SYT14: variants seen among roughly 807,000 people sequenced by gnomAD.
SYT14 encodes the protein synaptotagmin-14.
In SYT14, 32 loss-of-function variants were observed where a neutral mutation model predicts 74.2. The observed-to-expected ratio is 0.43, with a 90% confidence interval of 0.33 to 0.58. The LOEUF (loss-of-function observed/expected upper bound fraction) is 0.58, where lower values mean the gene tolerates loss of function less well. Ranked by LOEUF, SYT14 falls within the 20% of genes least tolerant of loss-of-function variation. The pLI is 0.05. For synonymous variants in SYT14, 298 were observed against 337.7 expected (o/e 0.88, Z 1.29); for missense variants, 791 against 981.8 (o/e 0.81, Z 2.60).
chr1:210,101,421 A>G (rs1185870896), intron 7 of SYT14, among the ~76,000 whole-genome samples: 2 of 152,114 alleles, frequency 1.3e-5, no homozygotes, highest in Non-Finnish European at 2.9e-5. Flanking sequence ...GTCTCATCTC[A>G]TTTACATCAG....
At chr1:210,162,819 G>GA in exon 10 of SYT14, 1 of 451,446 alleles carries the variant, frequency 2.2e-6, no homozygotes, top group Admixed American at 2.4e-5. Flanking sequence ...TGAATTATAA[G>GA]AAAAAATACA....
At chr1:210,085,694 T>A (rs913180279) in intron 5 of SYT14, among the ~76,000 whole-genome samples, 6 of 152,208 alleles carry the variant, frequency 3.9e-5, no homozygotes, top group Admixed American at 3.9e-4. Context: ...AAATGTTACA[T>A]CTTAAATGTT....
At chr1:210,018,196 C>T (rs2080226443) in intron 4 of SYT14, among the ~76,000 whole-genome samples, 1 of 152,152 alleles carries the variant, frequency 6.6e-6, no homozygotes, top group Non-Finnish European at 1.5e-5. Context: ...TGCAGTGGTG[C>T]AATCTCGGCT....
chr1:210,156,912 G>A (rs543908620), intron 8 of SYT14: 13 of 382,812 alleles, frequency 3.4e-5, no homozygotes, highest in Non-Finnish European at 4.4e-5. Flanking sequence ...CAAGCTGGTC[G>A]CAAGCTCCTG....
intron 5 of SYT14, among the ~76,000 whole-genome samples, chr1:210,038,132 C>T (rs899456106): frequency 1.3e-5 from 2 of 151,922 alleles, no homozygotes; most frequent in Admixed American, 6.6e-5. Context: ...CGGATTGTTA[C>T]ATCTTGTTGA....
chr1:210,005,730 AG>A (rs1482939827), intron 2 of SYT14, among the ~76,000 whole-genome samples: 1 of 151,952 alleles, frequency 6.6e-6, no homozygotes, highest in Middle Eastern at 3.2e-3. Flanking sequence ...CTGTCCTTGA[AG>A]AAAAGTCTCT....
intron 5 of SYT14, among the ~76,000 whole-genome samples, chr1:210,042,904 C>T (rs551291723): frequency 1.7e-4 from 26 of 152,240 alleles, no homozygotes; most frequent in Admixed American, 6.5e-4. Flanking sequence ...TCAATGATAG[C>T]GTGATGAGGA....
chr1:210,069,017 G>A (rs11119401), intron 5 of SYT14, among the ~76,000 whole-genome samples: 5,207 of 151,584 alleles, frequency 0.034, 601 homozygotes, highest in Admixed American at 0.23. Flanking sequence ...TCTAATTGCT[G>A]TTATGATTTT....
chr1:209,943,722 G>A (rs1246116666), intron 1 of SYT14, among the ~76,000 whole-genome samples: 1 of 151,908 alleles, frequency 6.6e-6, no homozygotes, highest in Non-Finnish European at 1.5e-5. Context: ...TTTCCATTTA[G>A]CTGACTTTAT....
chr1:209,945,193 G>A (rs573693627), intron 1 of SYT14, among the ~76,000 whole-genome samples: 1 of 152,178 alleles, frequency 6.6e-6, no homozygotes, highest in African/African-American at 2.4e-5. Flanking sequence ...TTTCTGTCCT[G>A]AGGTTATTAT....
At chr1:210,041,637 A>G (rs1475104698) in intron 5 of SYT14, among the ~76,000 whole-genome samples, 1 of 152,168 alleles carries the variant, frequency 6.6e-6, no homozygotes, top group Non-Finnish European at 1.5e-5. Flanking sequence ...AAGGGGGAAT[A>G]TGTTTGTATT....
intron 8 of SYT14, among the ~76,000 whole-genome samples, chr1:210,158,909 A>C (rs934602365): frequency 1.3e-5 from 2 of 152,160 alleles, no homozygotes; most frequent in Non-Finnish European, 2.9e-5. Flanking sequence ...TTATAGACTG[A>C]ATAATCCCCA....
chr1:209,987,412 T>G (rs2079590784), intron 2 of SYT14, among the ~76,000 whole-genome samples: 1 of 152,174 alleles, frequency 6.6e-6, no homozygotes, highest in South Asian at 2.1e-4. Context: ...TCAGGAAGCT[T>G]TTACTAATAG....
intron 5 of SYT14, among the ~76,000 whole-genome samples, chr1:210,026,254 T>C (rs1238244739): frequency 6.6e-6 from 1 of 152,116 alleles, no homozygotes. Context: ...ACCTCTCTTA[T>C]TTTTAAAAAG....
intron 2 of SYT14, among the ~76,000 whole-genome samples, chr1:210,013,087 CTT>C (rs550149038): frequency 5.7e-5 from 8 of 139,628 alleles, no homozygotes; most frequent in Admixed American, 1.4e-4. Context: ...AGACTCCTGT[CTT>C]TTTTTTTTTT....
intron 7 of SYT14, among the ~76,000 whole-genome samples, chr1:210,107,477 A>G (rs574298512): frequency 9.8e-5 from 15 of 152,334 alleles, no homozygotes; most frequent in African/African-American, 3.6e-4. Flanking sequence ...CACAGTGTCT[A>G]TCATAGCTAT....
intron 2 of SYT14, among the ~76,000 whole-genome samples, chr1:209,982,839 C>T (rs2079510487): frequency 6.6e-6 from 1 of 152,208 alleles, no homozygotes. Context: ...TCCTGTTGCT[C>T]CACATCCTCA....
At chr1:209,938,250 C>T in exon 1 of SYT14, 2 of 1,558,078 alleles carry the variant, frequency 1.3e-6, no homozygotes, top group South Asian at 1.2e-5. Context: ...TGGTGCGGTC[C>T]ATGGCGAGCG....
At chr1:210,094,375 C>T (rs1183654233) in exon 6 of SYT14, 1 of 1,613,980 alleles carries the variant, frequency 6.2e-7, no homozygotes, top group Non-Finnish European at 8.5e-7. Flanking sequence ...ATTGCAGCCA[C>T]CACCATATCA....
Sources: allele counts gnomAD v4.1 joint callset (sites outside exome capture counted in the v4.1 genomes callset), GRCh38; gene constraint gnomAD v4.1.1; transcripts MANE v1.5; gene names NCBI Gene and HGNC (gene_info 2026-07-23, HGNC 2026-07-21).